Variants in SLC22A16 observed in about 807,000 individuals in gnomAD.
The protein encoded by SLC22A16 is solute carrier family 22 member 16, also known as WUGSC:RG331P03.1.
A neutral mutation model predicts 52.9 loss-of-function variants in SLC22A16; 53 were observed. The observed-to-expected ratio is 1.00, with a 90% CI of 0.80 to 1.26. The LOEUF is 1.26. Among genes scored for constraint, SLC22A16 ranks in the 50% most tolerant of loss-of-function variants. The pLI is 0.00. For synonymous variants in SLC22A16, 291 were observed against 268.8 expected, an observed-to-expected ratio of 1.08 and a Z score of -0.81; for missense variants, 726 against 704.0, an observed-to-expected ratio of 1.03 and a Z score of -0.35.
intron 7 of SLC22A16, chr6:110,425,289 T>A (rs915658435): frequency 6.7e-7 from 1 of 1,501,972 alleles, no homozygotes; most frequent in African/African-American, 1.4e-5. Context: ...ATCTCATCAC[T>A]CACTCATTCA....
chr6:110,454,113 AC>A (rs1169911606), intron 2 of SLC22A16, among the ~76,000 whole-genome samples: 1 of 152,168 alleles, frequency 6.6e-6, no homozygotes, highest in East Asian at 1.9e-4. Flanking sequence ...CAACACCGCC[AC>A]ACTGGGGATC....
intron 3 of SLC22A16, among the ~76,000 whole-genome samples, chr6:110,443,226 A>G (rs1554225294): frequency 6.6e-6 from 1 of 152,224 alleles, no homozygotes; most frequent in Non-Finnish European, 1.5e-5. Context: ...CAGGCAAAGA[A>G]GACAAATTAG....
chr6:110,443,140 A>G (rs1474891722), intron 3 of SLC22A16, among the ~76,000 whole-genome samples: 1 of 152,226 alleles, frequency 6.6e-6, no homozygotes, highest in Non-Finnish European at 1.5e-5. Flanking sequence ...GTTAAATCCT[A>G]ACTGCTAAAT....
At chr6:110,440,699 C>T (rs929097280) in intron 4 of SLC22A16, among the ~76,000 whole-genome samples, 6 of 152,132 alleles carry the variant, frequency 3.9e-5, no homozygotes, top group Admixed American at 3.9e-4. Flanking sequence ...ATCGCTTGAA[C>T]CCAGGAGGCG....
At chr6:110,465,045 G>T (rs1484778616) in intron 1 of SLC22A16, among the ~76,000 whole-genome samples, 1 of 151,160 alleles carries the variant, frequency 6.6e-6, no homozygotes, top group Admixed American at 6.6e-5. Context: ...AAGACATAAG[G>T]TCAACTCAAT....
intron 6 of SLC22A16, among the ~76,000 whole-genome samples, chr6:110,432,246 T>G (rs1220468068): frequency 6.6e-6 from 1 of 152,202 alleles, no homozygotes; most frequent in African/African-American, 2.4e-5. Flanking sequence ...TTAGGGTGTT[T>G]AGGGAGCTCA....
chr6:110,451,415 C>T (rs1385456766), intron 2 of SLC22A16, among the ~76,000 whole-genome samples: 2 of 152,188 alleles, frequency 1.3e-5, no homozygotes, highest in Non-Finnish European at 2.9e-5. Flanking sequence ...AGTTTGCATT[C>T]ACACCAGCAG....
intron 2 of SLC22A16, among the ~76,000 whole-genome samples, chr6:110,448,713 A>G (rs1392487697): frequency 6.6e-6 from 1 of 152,134 alleles, no homozygotes; most frequent in African/African-American, 2.4e-5. Flanking sequence ...CTCTCTGTAG[A>G]TGAACAGCCA....
In SLC22A16 at chr6:110,435,862, T is replaced by C. The variant is rs868752078; in HGVS notation, c.1411A>G (p.Thr471Ala). 2 of 1,604,286 alleles carry C rather than the reference T, an allele frequency of 1.2e-6. No homozygotes were observed. The highest frequency in any genetic ancestry group is 1.7e-5 in the Admixed American group (1 of 58,980). ...ACAATTCATCCTTACCTTACAATGG[T>C]TGGATACAGCTCAGCTGTATAAAGA... Reference protein sequence around the residue: ...IYLYTAELYPTIVRSLAVGSG... With the variant: ...IYLYTAELYPAIVRSLAVGSG... The change falls in exon 6 of 8, where the codon ACC becomes GCC. Residue 471 changes from threonine (T) to alanine (A), a missense_variant. Thr to Ala is a moderately conservative substitution (Grantham distance 58). Coordinates refer to ENST00000368919, the MANE Select transcript of SLC22A16 (RefSeq NM_033125.4).
intron 1 of SLC22A16, 124 bp downstream of exon 1, chr6:110,476,398 G>C: frequency 7.2e-7 from 1 of 1,385,424 alleles, no homozygotes; most frequent in Non-Finnish European, 9.3e-7. Context: ...CGACTGCGCG[G>C]GGTGAGGAGG....
intron 2 of SLC22A16, among the ~76,000 whole-genome samples, chr6:110,451,456 C>T (rs959661609): frequency 1.3e-5 from 2 of 152,174 alleles, no homozygotes; most frequent in African/African-American, 4.8e-5. Flanking sequence ...CATATCCTCA[C>T]CAACACTTAG....
At chr6:110,474,403 G>C (rs1253342322) in intron 1 of SLC22A16, among the ~76,000 whole-genome samples, 1 of 152,218 alleles carries the variant, frequency 6.6e-6, no homozygotes, top group Non-Finnish European at 1.5e-5. Context: ...ATAAAGAATA[G>C]ATACCAATTA....
chr6:110,449,214 C>T (rs1434616782), intron 2 of SLC22A16, among the ~76,000 whole-genome samples: 1 of 151,996 alleles, frequency 6.6e-6, no homozygotes, highest in African/African-American at 2.4e-5. Flanking sequence ...CTGACCATGC[C>T]TACTCGTTAG....
intron 4 of SLC22A16, among the ~76,000 whole-genome samples, chr6:110,439,796 G>A (rs1017335176): frequency 1.3e-5 from 2 of 152,158 alleles, no homozygotes; most frequent in African/African-American, 4.8e-5. Flanking sequence ...TACACTAGGA[G>A]TCACATCTCA....
chr6:110,438,698 T>TA (rs1266635187), intron 5 of SLC22A16, 22 bp downstream of exon 5: 4 of 1,606,460 alleles, frequency 2.5e-6, no homozygotes, highest in African/African-American at 1.3e-5. Flanking sequence ...AACTGTCTTA[T>TA]AAAAAACAGA....
At chr6:110,458,849 A>G (rs1197450943) in intron 1 of SLC22A16, among the ~76,000 whole-genome samples, 1 of 152,180 alleles carries the variant, frequency 6.6e-6, no homozygotes, top group Non-Finnish European at 1.5e-5. Flanking sequence ...TTGGAATTAG[A>G]TGAAGACTTA....
At position 110,456,935 on chromosome 6, in the gene SLC22A16, C is replaced by T. The variant is rs776482909; in HGVS notation, c.136G>A (p.Val46Ile). 1.9e-6 allele frequency: 3 copies of T among 1,610,270 alleles called. No individual in the cohort carries two copies. Among genetic ancestry groups the T allele is most frequent in the South Asian group, 2.2e-5 (2 of 90,400 alleles). ...IHYLASVFMG[V>I]TPHHVCRPPG... ...GGCCTGCAGACATGATGAGGGGTGA[C>T]TCCCATGAACACAGAAGCCAAGTAG... Residue 46 changes from valine to isoleucine, a missense_variant, in exon 2 of 8, where the codon GTC becomes ATC. Physicochemically the swap from Val to Ile is conservative, Grantham distance 29. Coordinates refer to ENST00000368919, the MANE Select transcript of SLC22A16 (RefSeq NM_033125.4).
At chr6:110,471,890 T>C (rs1776272599) in intron 1 of SLC22A16, among the ~76,000 whole-genome samples, 1 of 152,126 alleles carries the variant, frequency 6.6e-6, no homozygotes, top group Admixed American at 6.5e-5. Context: ...GCAACACCCC[T>C]GCTGAGGCAC....
rs993286958 is a variant in SLC22A16, at chr6:110,476,407, G to A, written c.53+115C>T. 2.1e-6 allele frequency: 3 copies of A among 1,398,172 alleles called. No individual in the cohort carries two copies. In the African/African-American group the frequency reaches 4.5e-5, roughly 21 times the overall value. 86.6% of individuals were successfully genotyped at this position (1,398,172 alleles called of 1,614,324 possible). A position where few individuals can be genotyped will look rare whatever the true frequency, so the allele number is the denominator to read the frequency against. ...GTGTCCCGACTGCGCGGGGTGAGGA[G>A]GAAGTGGAGATGTTTTCGGATCGCG... is the stretch of plus-strand genomic sequence containing the variant. On this transcript the variant is annotated intron_variant, in intron 1 of 7. Coordinates refer to ENST00000368919, the MANE Select transcript of SLC22A16 (RefSeq NM_033125.4).
Sources: gnomAD v4.1 joint callset for allele counts (sites outside exome capture counted in the v4.1 genomes callset) on GRCh38, gnomAD v4.1.1 for gene constraint, MANE v1.5 for transcripts, NCBI Gene and HGNC (gene_info 2026-07-23, HGNC 2026-07-21) for gene names.